CDKAL1: variants seen among roughly 807,000 people sequenced by gnomAD.
The protein encoded by CDKAL1 is CDKAL1 threonylcarbamoyladenosine tRNA methylthiotransferase, also known as threonylcarbamoyladenosine tRNA methylthiotransferase.
A neutral mutation model predicts 68.2 loss-of-function variants in CDKAL1; 32 were observed. That is an observed-to-expected ratio of 0.47 (90% confidence interval 0.35 to 0.63). The LOEUF (loss-of-function observed/expected upper bound fraction) is 0.63. Ranked by LOEUF, CDKAL1 falls within the 30% of genes least tolerant of loss-of-function variation. The pLI is 0.00. For synonymous variants in CDKAL1, 234 were observed against 244.3 expected, an observed-to-expected ratio of 0.96 and a Z score of 0.39; for missense variants, 606 against 696.7, an observed-to-expected ratio of 0.87 and a Z score of 1.47.
intron 10 of CDKAL1, among the ~76,000 whole-genome samples, chr6:20,957,116 C>T (rs544982320): frequency 1.1e-4 from 16 of 151,056 alleles, no homozygotes; most frequent in African/African-American, 2.2e-4. Context: ...ATATACTAGA[C>T]GTGTGGAGGG....
At chr6:21,099,238 T>G (rs1773464724) in intron 12 of CDKAL1, among the ~76,000 whole-genome samples, 1 of 152,168 alleles carries the variant, frequency 6.6e-6, no homozygotes, top group African/African-American at 2.4e-5. Context: ...AGGGGCCACA[T>G]AGTAAATATT....
chr6:20,653,032 A>G (rs993044919), intron 5 of CDKAL1, among the ~76,000 whole-genome samples: 3 of 152,170 alleles, frequency 2.0e-5, no homozygotes, highest in South Asian at 2.1e-4. Context: ...TGAGATTTAC[A>G]TCTTTTTCTC....
At chr6:20,996,458 C>T (rs190187873) in intron 10 of CDKAL1, among the ~76,000 whole-genome samples, 8 of 152,242 alleles carry the variant, frequency 5.3e-5, no homozygotes, top group East Asian at 1.9e-4. Context: ...TAAAGGCCTT[C>T]GTCAGGTTAT....
At chr6:20,897,567 G>A (rs1027648521) in intron 9 of CDKAL1, among the ~76,000 whole-genome samples, 9 of 152,210 alleles carry the variant, frequency 5.9e-5, no homozygotes, top group African/African-American at 1.4e-4. Flanking sequence ...CCTAGAAATA[G>A]CTCTAATTTT....
At chr6:20,557,742 C>T (rs1764114482) in intron 4 of CDKAL1, among the ~76,000 whole-genome samples, 1 of 152,144 alleles carries the variant, frequency 6.6e-6, no homozygotes, top group Non-Finnish European at 1.5e-5. Flanking sequence ...GCCTGGCCAA[C>T]ATGGTGAAAC....
intron 4 of CDKAL1, among the ~76,000 whole-genome samples, chr6:20,643,973 C>T (rs9460539): frequency 0.061 from 9,317 of 151,840 alleles, 885 homozygotes; most frequent in African/African-American, 0.21. Context: ...TATAGGCATG[C>T]GCCACCATGC....
intron 10 of CDKAL1, among the ~76,000 whole-genome samples, chr6:20,986,474 A>G (rs1001969811): frequency 1.3e-5 from 2 of 152,160 alleles, no homozygotes; most frequent in African/African-American, 4.8e-5. Context: ...GTATATTTTT[A>G]AAGAACAATG....
At chr6:20,865,325 T>C (rs1206798304) in intron 9 of CDKAL1, among the ~76,000 whole-genome samples, 1 of 152,200 alleles carries the variant, frequency 6.6e-6, no homozygotes, top group Non-Finnish European at 1.5e-5. Flanking sequence ...GGTCATTTCA[T>C]CAGTTTGGAT....
At chr6:20,650,527 T>C (rs1041747250) in intron 5 of CDKAL1, among the ~76,000 whole-genome samples, 3 of 152,220 alleles carry the variant, frequency 2.0e-5, no homozygotes, top group African/African-American at 7.2e-5. Flanking sequence ...ACTCTGATGA[T>C]AGTTTCTTTT....
rs530769977 is a variant in CDKAL1 at position 21,120,212 on chromosome 6, C to T, written c.1299+11749C>T. Among the ~76,000 whole-genome samples the T allele has an allele frequency of 9.8e-5, 15 of 152,298 alleles. No homozygotes were observed. In the South Asian group the frequency reaches 1.7e-3, roughly 17 times the overall value. ...TTACAATCCATTGGGGCAGGGGCCC[C>T]GTCTCCCCGAAGACCTTGAATTATG... On this transcript the variant is annotated intron_variant, in intron 13 of 15. Coordinates refer to ENST00000274695, the MANE Select transcript of CDKAL1 (RefSeq NM_017774.3).
At position 20,834,047 on chromosome 6, in the gene CDKAL1, A is replaced by G. The variant is rs562143025; in HGVS notation, c.639-12028A>G. Among the ~76,000 whole-genome samples the G allele has an allele frequency of 7.2e-5, 11 of 152,330 alleles. No individual in the cohort carries two copies. The East Asian group carries it at 1.9e-3, about 27-fold the overall frequency. On this transcript the variant is annotated intron_variant, in intron 8 of 15. Transcript: ENST00000274695. Reference sequence around the variant, plus strand: ...GCATCTGATGCGTTCTCTAAGAATCATTGACATAGACATTCAGCAGGTTTT... The same window carrying G: ...GCATCTGATGCGTTCTCTAAGAATCGTTGACATAGACATTCAGCAGGTTTT...
intron 7 of CDKAL1, among the ~76,000 whole-genome samples, chr6:20,777,693 G>GAGATACATTCCATGTA (rs1158485228): frequency 2.6e-5 from 4 of 152,092 alleles, no homozygotes; most frequent in South Asian, 2.1e-4. Flanking sequence ...CTTTACATGA[G>GAGATACATTCCATGTA]TCTCCCCTTA....
intron 2 of CDKAL1, among the ~76,000 whole-genome samples, chr6:20,541,139 T>C (rs1763372978): frequency 2.0e-5 from 3 of 151,120 alleles, no homozygotes; most frequent in Admixed American, 1.3e-4. Context: ...CACAGAACCA[T>C]TTTTTTTTCC....
chr6:20,960,087 C>G (rs1764977230), intron 10 of CDKAL1, among the ~76,000 whole-genome samples: 1 of 152,118 alleles, frequency 6.6e-6, no homozygotes, highest in African/African-American at 2.4e-5. Context: ...TTAGAACAGG[C>G]TAGCTATATA....
At chr6:20,718,307 G>A (rs1772188311) in intron 5 of CDKAL1, among the ~76,000 whole-genome samples, 2 of 152,122 alleles carry the variant, frequency 1.3e-5, no homozygotes, top group African/African-American at 2.4e-5. Context: ...AAATTGTTCT[G>A]GAAAAGCCTA....
At chr6:21,040,671 C>T (rs1769870507) in intron 11 of CDKAL1, among the ~76,000 whole-genome samples, 1 of 151,996 alleles carries the variant, frequency 6.6e-6, no homozygotes, top group Admixed American at 6.6e-5. Context: ...TATTTCAGTG[C>T]CTAAAACAAT....
At chr6:21,066,437 C>T (rs1050617745) in intron 12 of CDKAL1, among the ~76,000 whole-genome samples, 3 of 152,158 alleles carry the variant, frequency 2.0e-5, no homozygotes, top group African/African-American at 7.2e-5. Flanking sequence ...TCATTTTCTT[C>T]TATATCACAA....
Position 21,201,171 on chromosome 6 carries a change from C to G in CDKAL1, c.1445C>G (p.Ser482Ter), listed in dbSNP as rs769462123. The G allele has an allele frequency of 8.1e-6, 13 of 1,613,882 alleles. No individual in the cohort carries two copies. The highest frequency in any genetic ancestry group is 1.0e-5 in the Non-Finnish European group (12 of 1,179,796). The change falls in exon 15 of 16, where the codon TCA becomes TGA. Residue 482 changes from serine (S) to a stop codon, truncating the protein, a stop_gained. Coordinates refer to ENST00000274695, the MANE Select transcript of CDKAL1 (RefSeq NM_017774.3). LOFTEE classifies it high-confidence loss of function. The stretch of plus-strand genomic sequence containing the variant: ...ATGGTTGAAGTGGACATCTATGAAT[C>G]AGGCAAACATTTTATGAAAGGGCAG... ...GKMVEVDIYE[S>*]GKHFMKGQPV...
chr6:21,156,688 TG>T (rs1422484001), intron 13 of CDKAL1, among the ~76,000 whole-genome samples: 1 of 151,958 alleles, frequency 6.6e-6, no homozygotes, highest in African/African-American at 2.4e-5. Context: ...GAACGATGGA[TG>T]TAAGGAAGAT....
Sources: gnomAD v4.1 joint callset for allele counts (sites outside exome capture counted in the v4.1 genomes callset) on GRCh38, gnomAD v4.1.1 for gene constraint, MANE v1.5 for transcripts, NCBI Gene and HGNC (gene_info 2026-07-23, HGNC 2026-07-21) for gene names.